HSPBAP1: variants seen among roughly 807,000 people sequenced by gnomAD.
The protein encoded by HSPBAP1 is HSPB1-associated protein 1.
HSPBAP1 carries 27 observed loss-of-function variants against 45.2 expected under a neutral mutation model. The observed-to-expected ratio is 0.60, with a 90% CI of 0.44 to 0.82. The LOEUF is 0.82. Ranked by LOEUF, HSPBAP1 falls within the 40% of genes least tolerant of loss-of-function variation. The pLI is 0.00. For synonymous variants in HSPBAP1, 204 were observed against 202.7 expected, an observed-to-expected ratio of 1.01 and a Z score of -0.06; for missense variants, 510 against 590.9, an observed-to-expected ratio of 0.86 and a Z score of 1.42.
intron 2 of HSPBAP1, among the ~76,000 whole-genome samples, chr3:122,776,505 C>T (rs1362302586): frequency 2.6e-5 from 4 of 152,160 alleles, no homozygotes. Context: ...GTGCCTGAAA[C>T]AATAGCTTTA....
At chr3:122,770,080 A>G (rs1321475596) in intron 2 of HSPBAP1, among the ~76,000 whole-genome samples, 1 of 152,132 alleles carries the variant, frequency 6.6e-6, no homozygotes, top group Non-Finnish European at 1.5e-5. Flanking sequence ...GAATATTCAC[A>G]TTCTTCTTTC....
At chr3:122,765,434 A>T (rs1201048712) in intron 3 of HSPBAP1, among the ~76,000 whole-genome samples, 1 of 152,058 alleles carries the variant, frequency 6.6e-6, no homozygotes, top group Middle Eastern at 3.2e-3. Flanking sequence ...TCCAAAATTT[A>T]GCCAGGTGTG....
intron 3 of HSPBAP1, among the ~76,000 whole-genome samples, chr3:122,760,707 G>T (rs1432079925): frequency 6.6e-6 from 1 of 152,088 alleles, no homozygotes; most frequent in Non-Finnish European, 1.5e-5. Flanking sequence ...TGTTCTCTCT[G>T]CATGTAGCCT....
rs1474048770 is a variant in HSPBAP1, at chr3:122,780,959, C to T, written c.65-3053G>A. Among the ~76,000 whole-genome samples, 8 of 138,474 alleles carry T rather than the reference C, an allele frequency of 5.8e-5. 1 individual carries two copies. The highest frequency in any genetic ancestry group is 2.1e-4 in the East Asian group (1 of 4,822). The allele number at this position is 138,474 out of a possible 152,430, so 90.8% of individuals were successfully genotyped here. A position where few individuals can be genotyped will look rare whatever the true frequency, so the allele number is the denominator to read the frequency against. On this transcript the variant is annotated intron_variant, in intron 1 of 7. Transcript: ENST00000306103. ...CGGTCCCCACATCTCAGACGATGGG[C>T]GGCCGGGCAGAGACGCTCCTCACTT...
chr3:122,776,712 C>T (rs753418920), intron 2 of HSPBAP1, among the ~76,000 whole-genome samples: 46 of 152,170 alleles, frequency 3.0e-4, no homozygotes, highest in Admixed American at 1.8e-3. Context: ...GAATTTTAAA[C>T]AGTTTGGTCT....
intron 2 of HSPBAP1, among the ~76,000 whole-genome samples, chr3:122,773,021 AT>A (rs946394076): frequency 4.0e-5 from 6 of 148,924 alleles, no homozygotes; most frequent in Admixed American, 6.7e-5. Flanking sequence ...GCTAATTAAA[AT>A]TTTTTTTTTG....
chr3:122,773,403 G>A (rs1053679061), intron 2 of HSPBAP1, among the ~76,000 whole-genome samples: 3 of 150,274 alleles, frequency 2.0e-5, no homozygotes, highest in African/African-American at 7.4e-5. Context: ...TCTGCTTCTG[G>A]GGTTCAAGCG....
At chr3:122,780,094 G>T (rs1935359882) in intron 1 of HSPBAP1, among the ~76,000 whole-genome samples, 1 of 150,850 alleles carries the variant, frequency 6.6e-6, no homozygotes, top group Non-Finnish European at 1.5e-5. Context: ...CCGGGCAGAG[G>T]CGCCCCTCAC....
At chr3:122,780,158 T>C (rs374858872) in intron 1 of HSPBAP1, among the ~76,000 whole-genome samples, 29,871 of 60,424 alleles carry the variant, frequency 0.49, 6,202 homozygotes, top group Middle Eastern at 0.59. Context: ...ACCTCCCTCC[T>C]GGACGGGGCG....
At chr3:122,772,290 C>T (rs1213281839) in intron 2 of HSPBAP1, among the ~76,000 whole-genome samples, 1 of 151,952 alleles carries the variant, frequency 6.6e-6, no homozygotes, top group African/African-American at 2.4e-5. Context: ...ACAGTGAGAA[C>T]TTTGTGTAAC....
Position 122,763,866 on chromosome 3 carries a change from T to C in HSPBAP1, c.433-4506A>G, listed in dbSNP as rs1576253606. Among the ~76,000 whole-genome samples, 3 of 152,372 alleles carry C rather than the reference T, an allele frequency of 2.0e-5. No homozygotes were observed. The East Asian group carries it at 5.8e-4, about 29-fold the overall frequency. On this transcript the variant is annotated intron_variant, in intron 3 of 7. Coordinates refer to ENST00000306103, the MANE Select transcript of HSPBAP1 (RefSeq NM_024610.6). ...ATAGCATTTAAGACCCTCCCAAGTA[T>C]GGCTGATGCCGCCTGTCTGCTCCAC...
chr3:122,789,070 T>A (rs573597719), intron 1 of HSPBAP1, among the ~76,000 whole-genome samples: 22 of 152,358 alleles, frequency 1.4e-4, no homozygotes, highest in Admixed American at 1.4e-3. Flanking sequence ...ATTTTTTACT[T>A]TTTGAGATAA....
chr3:122,751,469 AAAAAATCACCCAT>A (rs1934132052), intron 6 of HSPBAP1, among the ~76,000 whole-genome samples: 2 of 152,214 alleles, frequency 1.3e-5, no homozygotes, highest in South Asian at 2.1e-4. Context: ...TGGAAAAAGG[AAAAAATCACCCAT>A]AAAAACACCC....
At chr3:122,762,290 A>G (rs1934621144) in intron 3 of HSPBAP1, among the ~76,000 whole-genome samples, 1 of 151,142 alleles carries the variant, frequency 6.6e-6, no homozygotes, top group Non-Finnish European at 1.5e-5. Context: ...TTTTTAACCT[A>G]GACACAGCAG....
intron 1 of HSPBAP1, among the ~76,000 whole-genome samples, chr3:122,778,720 C>T (rs1409702246): frequency 2.0e-5 from 3 of 151,884 alleles, no homozygotes; most frequent in African/African-American, 4.8e-5. Flanking sequence ...TTAGTAGAGA[C>T]GGGGTTTCAC....
At chr3:122,741,288 T>C (rs913550118) in intron 6 of HSPBAP1, 175 bp from the exon 7 acceptor site, 4 of 594,528 alleles carry the variant, frequency 6.7e-6, no homozygotes, top group Non-Finnish European at 1.2e-5. Flanking sequence ...TCACCTGCCA[T>C]CTAGAAGAGC....
At chr3:122,776,425 C>T (rs72966399) in intron 2 of HSPBAP1, among the ~76,000 whole-genome samples, 19,558 of 152,078 alleles carry the variant, frequency 0.13, 1,452 homozygotes, top group Middle Eastern at 0.2. Flanking sequence ...AATGGGATAA[C>T]AGCAGCTCTG....
intron 3 of HSPBAP1, among the ~76,000 whole-genome samples, chr3:122,760,157 C>CTT (rs912629372): frequency 2.3e-4 from 35 of 152,282 alleles, no homozygotes; most frequent in African/African-American, 8.4e-4. Flanking sequence ...CCCAAGTCAA[C>CTT]TACTGGGAAA....
At chr3:122,755,178 G>T in intron 5 of HSPBAP1, 82 bp downstream of exon 5, 2 of 1,285,890 alleles carry the variant, frequency 1.6e-6, no homozygotes, top group East Asian at 2.7e-5. Context: ...CGCAGGGAGG[G>T]GAAGCACACA....
Sources: allele counts gnomAD v4.1 joint callset (sites outside exome capture counted in the v4.1 genomes callset), GRCh38; gene constraint gnomAD v4.1.1; transcripts MANE v1.5; gene names NCBI Gene and HGNC (gene_info 2026-07-23, HGNC 2026-07-21).